Variants in CRLF2 observed in about 807,000 individuals in gnomAD.
CRLF2 encodes the protein cytokine receptor like factor 2, also known as cytokine receptor-like factor 2.
In CRLF2, 41 loss-of-function variants were observed where a neutral mutation model predicts 38.7. That is an observed-to-expected ratio of 1.06 (90% confidence interval 0.83 to 1.37). CRLF2 has a LOEUF of 1.37. Among genes scored for constraint, CRLF2 ranks in the 40% most tolerant of loss-of-function variants. CRLF2 has a pLI of 0.00. For synonymous variants in CRLF2, 140 were observed against 128.8 expected (o/e 1.09, Z -0.59); for missense variants, 377 against 322.2 (o/e 1.17, Z -1.30).
chrX:1,203,257 A>C (rs1379047267), intron 3 of CRLF2, among the ~76,000 whole-genome samples: 1 of 152,134 alleles, frequency 6.6e-6, no homozygotes, highest in Admixed American at 6.6e-5. Flanking sequence ...GCAGACACAG[A>C]GGAGGAGGCC....
intron 1 of CRLF2, among the ~76,000 whole-genome samples, chrX:1,210,799 GATA>G (rs2086783717): frequency 6.6e-6 from 1 of 152,174 alleles, no homozygotes. Context: ...GACACAGATA[GATA>G]GGGATGGGTA....
intron 7 of CRLF2, among the ~76,000 whole-genome samples, chrX:1,192,188 G>C (rs1251885787): frequency 3.6e-4 from 47 of 129,466 alleles, no homozygotes; most frequent in Admixed American, 5.1e-4. Context: ...CTGGGCGACA[G>C]AGCGAGACTC....
rs369627772 is a variant in CRLF2 at position 1,199,733 on chromosome X, T to C, written c.484-1009A>G. Among the ~76,000 whole-genome samples, 8 of 152,020 alleles carry C rather than the reference T, an allele frequency of 5.3e-5. No homozygotes were observed. In the East Asian group the frequency reaches 1.2e-3, roughly 22 times the overall value. Reference sequence around the variant, plus strand: ...TGTACCAATAAGATATCTCTATATGTATATTTATATATGTGTGTATATATA... The same window carrying C: ...TGTACCAATAAGATATCTCTATATGCATATTTATATATGTGTGTATATATA... On this transcript the variant is annotated intron_variant, in intron 4 of 7. Coordinates refer to ENST00000400841, the MANE Select transcript of CRLF2 (RefSeq NM_022148.4).
chrX:1,209,391 G>C (rs111736439), intron 1 of CRLF2, among the ~76,000 whole-genome samples: 38,962 of 150,876 alleles, frequency 0.26, 5,824 homozygotes, highest in Admixed American at 0.37. Flanking sequence ...GACTGCAGTG[G>C]CGCAATCTCG....
intron 4 of CRLF2, among the ~76,000 whole-genome samples, chrX:1,200,548 G>A (rs1371388172): frequency 6.8e-6 from 1 of 146,848 alleles, no homozygotes; most frequent in Admixed American, 7.0e-5. Flanking sequence ...ATATATGTGT[G>A]GGTATATATA....
intron 7 of CRLF2, among the ~76,000 whole-genome samples, chrX:1,192,711 T>TC (rs2086409777): frequency 5.6e-5 from 1 of 17,756 alleles, no homozygotes; most frequent in South Asian, 2.3e-3. Context: ...TCTTTTCTTT[T>TC]CTTTCTTTCT....
At chrX:1,191,251 C>T (rs1172537004) in intron 7 of CRLF2, 91 bp from the exon 8 acceptor site, 2 of 398,748 alleles carry the variant, frequency 5.0e-6, no homozygotes, top group Non-Finnish European at 8.8e-6. Context: ...CCACAGACAT[C>T]CCTGGACATC....
intron 5 of CRLF2, among the ~76,000 whole-genome samples, chrX:1,198,352 G>C (rs866978117): frequency 0.16 from 1,999 of 12,742 alleles, 12 homozygotes; most frequent in Middle Eastern, 0.31. Context: ...AGGCAGGACA[G>C]CCTCCCTCCC....
At chrX:1,210,766 T>G (rs1334416908) in intron 1 of CRLF2, among the ~76,000 whole-genome samples, 1 of 152,158 alleles carries the variant, frequency 6.6e-6, no homozygotes, top group Non-Finnish European at 1.5e-5. Context: ...ATATAGATGA[T>G]GATAGAAATA....
At chrX:1,195,085 G>A (rs1186050812) in intron 6 of CRLF2, among the ~76,000 whole-genome samples, 5 of 148,862 alleles carry the variant, frequency 3.4e-5, no homozygotes, top group African/African-American at 1.2e-4. Context: ...CCCACCTACT[G>A]GGGAGGCTGA....
intron 4 of CRLF2, among the ~76,000 whole-genome samples, chrX:1,202,161 G>A (rs1276041087): frequency 3.3e-5 from 5 of 152,040 alleles, no homozygotes; most frequent in Non-Finnish European, 7.4e-5. Context: ...TAGATAAATA[G>A]ATTGATAGAC....
chrX:1,191,342 T>TTTCTTTCTTTCTTTCTTTCC (rs2086374703), intron 7 of CRLF2, among the ~76,000 whole-genome samples, 182 bp from the exon 8 acceptor site: 1 of 100,768 alleles, frequency 9.9e-6, no homozygotes, highest in Non-Finnish European at 2.1e-5. Context: ...TCTTTCTTTC[T>TTTCTTTCTTTCTTTCTTTCC]TTCCTTCTTT....
chrX:1,207,652 TTTTTG>T (rs1263797933), intron 2 of CRLF2, among the ~76,000 whole-genome samples: 1 of 148,706 alleles, frequency 6.7e-6, no homozygotes, highest in East Asian at 2.0e-4. Context: ...TTTTGTGAGG[TTTTTG>T]TTTTGTTTTG....
chrX:1,196,390 G>A (rs1372555676), intron 6 of CRLF2, among the ~76,000 whole-genome samples: 2 of 151,940 alleles, frequency 1.3e-5, no homozygotes, highest in Non-Finnish European at 2.9e-5. Flanking sequence ...GTTTCACCAT[G>A]TTGGCCAGGA....
At chrX:1,203,583 GAC>G (rs1228977987) in intron 3 of CRLF2, among the ~76,000 whole-genome samples, 2 of 150,950 alleles carry the variant, frequency 1.3e-5, no homozygotes, top group African/African-American at 4.9e-5. Context: ...CAGAAGAGGA[GAC>G]ACAGAGGAGA....
Position 1,206,546 on chromosome X carries a change from C to G in CRLF2, c.236G>C (p.Gly79Ala). 2 of 1,613,672 alleles carry G rather than the reference C, an allele frequency of 1.2e-6. No individual in the cohort carries two copies. Among genetic ancestry groups the G allele is most frequent in the Non-Finnish European group, 1.7e-6 (2 of 1,179,658 alleles). ...DQCTNYLLQE[G>A]HTSGCLLDAE... ...GTCTAGGAGGCACCCCGAAGTGTGA[C>G]CTTCCTGGAGAAGGTAGTTGGTGCA... is the stretch of plus-strand genomic sequence containing the variant. Residue 79 changes from glycine (G) to alanine (A), a missense_variant, in exon 3 of 8, where the codon GGT (glycine) becomes GCT (alanine). By Grantham distance (60) the Gly-to-Ala change is moderately conservative. Coordinates refer to ENST00000400841, the MANE Select transcript of CRLF2 (RefSeq NM_022148.4).
intron 6 of CRLF2, among the ~76,000 whole-genome samples, chrX:1,194,291 A>C (rs1329250505): frequency 8.8e-4 from 133 of 151,664 alleles, no homozygotes; most frequent in African/African-American, 3.1e-3. Flanking sequence ...CTCCGTCTCA[A>C]AAAAAACAAA....
rs779260879 is a variant in CRLF2 at position 1,198,768 on chromosome X, C to T, written c.484-44G>A. On this transcript the variant is annotated intron_variant, in intron 4 of 7. Transcript: ENST00000400841. ...ACACACACACACACACACACACACA[C>T]ACACACACACACACAATGATTAGTG... 9.5e-6 allele frequency: 13 copies of T among 1,372,840 alleles called. No individual in the cohort carries two copies. In the Middle Eastern group the frequency reaches 5.4e-4, roughly 57 times the overall value. 85.0% of individuals were successfully genotyped at this position (1,372,840 alleles called of 1,614,324 possible).
intron 7 of CRLF2, 65 bp from the exon 8 acceptor site, chrX:1,191,225 G>A (rs1215960259): frequency 4.5e-5 from 18 of 398,570 alleles, no homozygotes; most frequent in Admixed American, 8.8e-5. Flanking sequence ...CTGAGCATCC[G>A]TACAGACGGT....
Sources: allele counts gnomAD v4.1 joint callset (sites outside exome capture counted in the v4.1 genomes callset), GRCh38; gene constraint gnomAD v4.1.1; transcripts MANE v1.5; gene names NCBI Gene and HGNC (gene_info 2026-07-23, HGNC 2026-07-21).